RAPGEF4: variants seen among roughly 807,000 people sequenced by gnomAD.
RAPGEF4 encodes RAP guanine-nucleotide-exchange factor (GEF) 4.
A neutral mutation model predicts 147.9 loss-of-function variants in RAPGEF4; 66 were observed. The observed-to-expected ratio is 0.45, with a 90% CI of 0.37 to 0.55. RAPGEF4 has a LOEUF of 0.55. Ranked by LOEUF, RAPGEF4 falls within the 20% of genes least tolerant of loss-of-function variation. The probability of loss-of-function intolerance (pLI) is 0.00; values close to 1 mark genes in which losing one functional copy is unlikely to be tolerated. For synonymous variants in RAPGEF4, 419 were observed against 442.7 expected (o/e 0.95, Z 0.67); for missense variants, 1,071 against 1,257.3 (o/e 0.85, Z 2.24).
chr2:172,846,912 C>T (rs375029934), intron 4 of RAPGEF4, among the ~76,000 whole-genome samples: 4 of 152,100 alleles, frequency 2.6e-5, no homozygotes, highest in East Asian at 1.9e-4. Context: ...GTTTCCAGCA[C>T]GTGTTTTTGG....
At chr2:172,855,932 C>CTTTGT (rs1246487356) in intron 4 of RAPGEF4, among the ~76,000 whole-genome samples, 5 of 151,968 alleles carry the variant, frequency 3.3e-5, no homozygotes, top group African/African-American at 1.2e-4. Flanking sequence ...TGGCATGGGT[C>CTTTGT]TTTGTTTTGT....
chr2:173,041,108 C>T (rs1437655133), intron 29 of RAPGEF4, among the ~76,000 whole-genome samples: 1 of 152,106 alleles, frequency 6.6e-6, no homozygotes, highest in Non-Finnish European at 1.5e-5. Context: ...ATTACAGAAG[C>T]TAATTCATTA....
intron 4 of RAPGEF4, among the ~76,000 whole-genome samples, chr2:172,825,673 C>T (rs1292914391): frequency 6.6e-6 from 1 of 152,108 alleles, no homozygotes; most frequent in Non-Finnish European, 1.5e-5. Context: ...AATATTTAAT[C>T]TTGATCTGTT....
At chr2:172,892,593 T>C (rs1698049429) in intron 4 of RAPGEF4, among the ~76,000 whole-genome samples, 1 of 152,234 alleles carries the variant, frequency 6.6e-6, no homozygotes, top group African/African-American at 2.4e-5. Flanking sequence ...TAACAGGGGA[T>C]TGCAGTCTGC....
At chr2:172,823,309 C>T (rs1430677695) in intron 4 of RAPGEF4, among the ~76,000 whole-genome samples, 1 of 152,178 alleles carries the variant, frequency 6.6e-6, no homozygotes, top group Non-Finnish European at 1.5e-5. Context: ...TGTTGTGTGG[C>T]ACTCTGGGTT....
intron 6 of RAPGEF4, among the ~76,000 whole-genome samples, chr2:172,927,485 A>G (rs1301568355): frequency 6.6e-6 from 1 of 152,210 alleles, no homozygotes; most frequent in African/African-American, 2.4e-5. Context: ...AAAACATTAA[A>G]AATTCAGATA....
chr2:172,765,142 G>C (rs1696706846), intron 1 of RAPGEF4, among the ~76,000 whole-genome samples: 1 of 152,170 alleles, frequency 6.6e-6, no homozygotes, highest in African/African-American at 2.4e-5. Context: ...TCCAATTGCT[G>C]CCTCCATCAT....
intron 10 of RAPGEF4, 144 bp downstream of exon 10, chr2:172,967,588 C>T: frequency 1.3e-6 from 1 of 768,134 alleles, no homozygotes; most frequent in South Asian, 2.5e-5. Flanking sequence ...GGTGCCACAG[C>T]AGTGCTTGTC....
At chr2:172,952,754 A>T (rs1688331357) in intron 6 of RAPGEF4, among the ~76,000 whole-genome samples, 1 of 152,232 alleles carries the variant, frequency 6.6e-6, no homozygotes, top group Non-Finnish European at 1.5e-5. Context: ...TGTCTAACAG[A>T]TATAGATATA....
chr2:172,965,237 A>G (rs1424062403), intron 8 of RAPGEF4: 3 of 317,052 alleles, frequency 9.5e-6, no homozygotes, highest in Non-Finnish European at 1.2e-5. Context: ...GGACCGGCTC[A>G]CTAGGACAGT....
chr2:172,885,380 A>G (rs78863995), intron 4 of RAPGEF4, among the ~76,000 whole-genome samples: 4,346 of 152,230 alleles, frequency 0.029, 123 homozygotes, highest in Non-Finnish European at 0.04. Flanking sequence ...TGTCTGGGGA[A>G]CTTAAGCTAA....
chr2:173,051,693 C>G lies in RAPGEF4; in HGVS notation c.2962C>G (p.Arg988Gly), dbSNP rs779338366. The change falls in exon 31 of 31, where the codon CGG (arginine) becomes GGG (glycine). Residue 988 changes from arginine to glycine, a missense_variant. By Grantham distance (125) the Arg-to-Gly change is moderately radical. Transcript: ENST00000397081. ...CCATCAGGATGTCCGGAGTTATGTA[C>G]GGCAATTAAATGTGATTGACAACCA... is the stretch of plus-strand genomic sequence containing the variant. ...KNHQDVRSYV[R>G]QLNVIDNQRT... 3.1e-6 allele frequency: 5 copies of G among 1,613,808 alleles called. No homozygotes were observed. The highest frequency in any genetic ancestry group is 3.4e-6 in the Non-Finnish European group (4 of 1,179,768).
chr2:172,973,945 C>T (rs181278289), intron 10 of RAPGEF4, among the ~76,000 whole-genome samples: 15 of 152,330 alleles, frequency 9.8e-5, no homozygotes, highest in Middle Eastern at 3.4e-3. Context: ...TATCATCTAA[C>T]ATCTTCAGAT....
At chr2:172,764,724 C>T (rs776089405) in intron 1 of RAPGEF4, among the ~76,000 whole-genome samples, 12 of 152,116 alleles carry the variant, frequency 7.9e-5, no homozygotes, top group East Asian at 1.9e-4. Context: ...ACCCTTATGA[C>T]GTGTCTACAC....
At chr2:172,787,832 G>T (rs898760234) in intron 1 of RAPGEF4, among the ~76,000 whole-genome samples, 5 of 152,046 alleles carry the variant, frequency 3.3e-5, no homozygotes, top group African/African-American at 4.8e-5. Context: ...ATTGCCCAGG[G>T]TGGTCTTGAA....
intron 6 of RAPGEF4, among the ~76,000 whole-genome samples, chr2:172,956,649 T>C (rs989667299): frequency 2.6e-5 from 4 of 152,086 alleles, no homozygotes; most frequent in African/African-American, 9.7e-5. Context: ...TTTTTGTATT[T>C]TTAGTAGAGA....
At chr2:172,837,670 G>A (rs1487602448) in intron 4 of RAPGEF4, among the ~76,000 whole-genome samples, 1 of 152,076 alleles carries the variant, frequency 6.6e-6, no homozygotes, top group Non-Finnish European at 1.5e-5. Flanking sequence ...GAACTCCTGG[G>A]TTCAATCCCA....
intron 6 of RAPGEF4, among the ~76,000 whole-genome samples, chr2:172,925,389 T>A (rs151307583): frequency 3.2e-4 from 49 of 152,320 alleles, no homozygotes; most frequent in Non-Finnish European, 6.5e-4. Flanking sequence ...CAAAAATAAA[T>A]TCCTTTTCAT....
In RAPGEF4 at chr2:172,970,182, CT is replaced by C. The variant is rs71018527; in HGVS notation, c.1004+2753del. Among the ~76,000 whole-genome samples, 701 of 139,962 alleles carry C rather than the reference CT, an allele frequency of 5.0e-3. 3 individuals carry two copies. The highest frequency in any genetic ancestry group is 8.3e-3 in the Admixed American group (115 of 13,840). 91.8% of individuals were successfully genotyped at this position (139,962 alleles called of 152,430 possible). A position where few individuals can be genotyped will look rare whatever the true frequency, so the allele number is the denominator to read the frequency against. ...CTACATGTACATACACACACACACC[CT>C]TTTTTTTTTTTTTTGATCTGCTAAT... On this transcript the variant is annotated intron_variant, in intron 10 of 30. Transcript: ENST00000397081.
Sources: gnomAD v4.1 joint callset for allele counts (sites outside exome capture counted in the v4.1 genomes callset) on GRCh38, gnomAD v4.1.1 for gene constraint, MANE v1.5 for transcripts, NCBI Gene and HGNC (gene_info 2026-07-23, HGNC 2026-07-21) for gene names.